Variants in PCDH9 observed in about 807,000 individuals in gnomAD.
PCDH9 encodes protocadherin-9.
PCDH9 carries 24 observed loss-of-function variants against 70.6 expected under a neutral mutation model. The observed-to-expected ratio is 0.34, with a 90% CI of 0.25 to 0.48. The LOEUF (loss-of-function observed/expected upper bound fraction) is 0.48. Among genes scored for constraint, PCDH9 ranks in the 20% least tolerant of loss-of-function variants. The probability of loss-of-function intolerance (pLI) is 0.99; values close to 1 mark genes in which losing one functional copy is unlikely to be tolerated. For synonymous variants in PCDH9, 562 were observed against 558.5 expected (o/e 1.01, Z -0.09); for missense variants, 1,281 against 1,503.6 (o/e 0.85, Z 2.45).
At chr13:66,950,339 C>T (rs2083159213) in intron 2 of PCDH9, among the ~76,000 whole-genome samples, 1 of 152,052 alleles carries the variant, frequency 6.6e-6, no homozygotes, top group South Asian at 2.1e-4. Flanking sequence ...AGATGTGAAG[C>T]TTATTCAATC....
chr13:66,949,566 C>A (rs2083144137), intron 2 of PCDH9, among the ~76,000 whole-genome samples: 1 of 151,960 alleles, frequency 6.6e-6, no homozygotes, highest in African/African-American at 2.4e-5. Flanking sequence ...CTAAAAATAT[C>A]TCTCATGCCT....
intron 2 of PCDH9, among the ~76,000 whole-genome samples, chr13:67,097,278 A>G (rs2086340702): frequency 6.6e-6 from 1 of 152,018 alleles, no homozygotes; most frequent in South Asian, 2.1e-4. Flanking sequence ...AAAAATTCAA[A>G]ATCGAAATAA....
chr13:67,033,991 T>G (rs948708024), intron 2 of PCDH9, among the ~76,000 whole-genome samples: 1 of 152,048 alleles, frequency 6.6e-6, no homozygotes, highest in Admixed American at 6.6e-5. Flanking sequence ...TTTTTGTTTG[T>G]TTTTGTTTTT....
At chr13:67,127,835 G>A (rs1349055954) in intron 2 of PCDH9, among the ~76,000 whole-genome samples, 5 of 151,906 alleles carry the variant, frequency 3.3e-5, no homozygotes, top group Admixed American at 1.3e-4. Flanking sequence ...CTGGAGATGG[G>A]AGCACTTTTT....
chr13:66,980,108 CTATCTATCTATCTATCT>C (rs2083710309), intron 2 of PCDH9, among the ~76,000 whole-genome samples: 1 of 151,850 alleles, frequency 6.6e-6, no homozygotes, highest in African/African-American at 2.4e-5. Context: ...ATCTATCTAT[CTATCTATCTATCTATCT>C]ATCTATCATC....
chr13:66,747,086 C>T (rs1259798443), intron 3 of PCDH9, among the ~76,000 whole-genome samples: 1 of 152,138 alleles, frequency 6.6e-6, no homozygotes, highest in Non-Finnish European at 1.5e-5. Flanking sequence ...GCGTGGTGGC[C>T]CATGCCTGTA....
chr13:66,778,304 C>G (rs921333007), intron 3 of PCDH9, among the ~76,000 whole-genome samples: 2 of 151,974 alleles, frequency 1.3e-5, no homozygotes, highest in African/African-American at 4.8e-5. Flanking sequence ...TAAAAATACT[C>G]TCTGCTCTTT....
intron 3 of PCDH9, among the ~76,000 whole-genome samples, chr13:66,687,499 A>C (rs1430868145): frequency 6.7e-6 from 1 of 149,686 alleles, no homozygotes; most frequent in Admixed American, 6.6e-5. Flanking sequence ...TCCTCACTCT[A>C]TGTAGATCTC....
intron 3 of PCDH9, among the ~76,000 whole-genome samples, chr13:66,855,611 A>AAT (rs147406070): frequency 2.3e-4 from 35 of 151,468 alleles, no homozygotes; most frequent in African/African-American, 4.4e-4. Context: ...TATGTTAAAG[A>AAT]ATATATATAT....
At chr13:66,934,687 T>C (rs1438162043) in intron 2 of PCDH9, among the ~76,000 whole-genome samples, 1 of 149,646 alleles carries the variant, frequency 6.7e-6, no homozygotes, top group African/African-American at 2.4e-5. Context: ...TTTGATATTG[T>C]ATTCAATTTC....
chr13:67,228,533 C>T lies in PCDH9; in HGVS notation c.-93G>A. 1.0e-6 allele frequency: 1 copy of T among 989,670 alleles called. No homozygotes were observed. The highest frequency in any genetic ancestry group is 1.5e-6 in the Non-Finnish European group (1 of 676,248). The allele number at this position is 989,670 out of a possible 1,614,324, so 61.3% of individuals were successfully genotyped here. A position where few individuals can be genotyped will look rare whatever the true frequency, so the allele number is the denominator to read the frequency against. On this transcript the variant is annotated 5_prime_UTR_variant, in exon 2 of 5. Transcript: ENST00000377865. ...AATTGCAAGAGGAAGCGTGCATGGACTGGAGGATGCATTATATCTCATCAC... is the reference window on the plus strand; with the variant it reads ...AATTGCAAGAGGAAGCGTGCATGGATTGGAGGATGCATTATATCTCATCAC...
chr13:66,514,055 A>G (rs1313828763), intron 4 of PCDH9, among the ~76,000 whole-genome samples: 5 of 152,148 alleles, frequency 3.3e-5, no homozygotes, highest in Admixed American at 6.6e-5. Context: ...ATTAGGAAGT[A>G]AAATAAGTAG....
intron 2 of PCDH9, among the ~76,000 whole-genome samples, chr13:67,121,450 T>C (rs963972942): frequency 6.6e-6 from 1 of 152,178 alleles, no homozygotes; most frequent in Non-Finnish European, 1.5e-5. Flanking sequence ...CCTGGAGCAA[T>C]GTTAACTTTT....
intron 4 of PCDH9, among the ~76,000 whole-genome samples, chr13:66,423,516 G>T (rs1205132674): frequency 6.6e-6 from 1 of 152,116 alleles, no homozygotes; most frequent in Admixed American, 6.6e-5. Context: ...ATGCAAGGCT[G>T]GTTAACATAT....
At chr13:67,130,216 G>A (rs2138327615) in intron 2 of PCDH9, among the ~76,000 whole-genome samples, 1 of 152,212 alleles carries the variant, frequency 6.6e-6, no homozygotes, top group Admixed American at 6.5e-5. Flanking sequence ...CAGTCACTTA[G>A]CTCTTCAGTA....
At chr13:67,137,760 C>A (rs948657587) in intron 2 of PCDH9, among the ~76,000 whole-genome samples, 7 of 152,102 alleles carry the variant, frequency 4.6e-5, no homozygotes, top group Admixed American at 3.3e-4. Flanking sequence ...CTTTCAGCTA[C>A]TAAAAAAGTT....
At chr13:66,798,511 C>A (rs941287818) in intron 3 of PCDH9, among the ~76,000 whole-genome samples, 3 of 152,052 alleles carry the variant, frequency 2.0e-5, no homozygotes, top group African/African-American at 4.8e-5. Flanking sequence ...AAAAGTGGCT[C>A]CCCATGCATT....
At chr13:66,819,794 G>A (rs1363046467) in intron 3 of PCDH9, among the ~76,000 whole-genome samples, 4 of 152,112 alleles carry the variant, frequency 2.6e-5, no homozygotes, top group Non-Finnish European at 5.9e-5. Context: ...TACTCAGGAG[G>A]CTGAGGTGGG....
intron 3 of PCDH9, among the ~76,000 whole-genome samples, chr13:66,804,366 A>G (rs1302331520): frequency 1.3e-5 from 2 of 152,214 alleles, no homozygotes; most frequent in African/African-American, 2.4e-5. Context: ...CATTTGGCAT[A>G]AACAATGAGA....
Sources: gnomAD v4.1 joint callset for allele counts (sites outside exome capture counted in the v4.1 genomes callset) on GRCh38, gnomAD v4.1.1 for gene constraint, MANE v1.5 for transcripts, NCBI Gene and HGNC (gene_info 2026-07-23, HGNC 2026-07-21) for gene names.